Variants in POU2F1 observed in about 807,000 individuals in gnomAD.
The protein encoded by POU2F1 is POU class 2 homeobox 1.
Under a neutral mutation model 84.9 loss-of-function variants are expected in POU2F1, and 16 were observed. The observed-to-expected ratio is 0.19, with a 90% CI of 0.13 to 0.29. POU2F1 has a LOEUF of 0.29. POU2F1 is among the 10% of genes least tolerant of loss of function. The pLI, the probability that POU2F1 is intolerant of heterozygous loss-of-function variation, is 1.00. For synonymous variants in POU2F1, 368 were observed against 368.3 expected (o/e 1.00, Z 0.01); for missense variants, 738 against 942.6 (o/e 0.78, Z 2.84).
At chr1:167,350,415 C>T (rs1658477278) in intron 2 of POU2F1, among the ~76,000 whole-genome samples, 1 of 152,122 alleles carries the variant, frequency 6.6e-6, no homozygotes, top group South Asian at 2.1e-4. Flanking sequence ...TCTATTTTGT[C>T]GTCTGTGTGA....
At chr1:167,244,202 G>A (rs1306977827) in intron 1 of POU2F1, among the ~76,000 whole-genome samples, 1 of 152,232 alleles carries the variant, frequency 6.6e-6, no homozygotes, top group African/African-American at 2.4e-5. Flanking sequence ...AAAGGAAGAA[G>A]GAGAGAATTT....
At chr1:167,407,433 G>A (rs1360803073) in intron 13 of POU2F1, among the ~76,000 whole-genome samples, 1 of 152,172 alleles carries the variant, frequency 6.6e-6, no homozygotes, top group African/African-American at 2.4e-5. Flanking sequence ...AAGGGACCAA[G>A]AATAGCCAAA....
At chr1:167,412,358 T>A in intron 14 of POU2F1, 54 bp downstream of exon 14, 1 of 1,423,570 alleles carries the variant, frequency 7.0e-7, no homozygotes, top group Non-Finnish European at 9.5e-7. Context: ...TCCCTGGAAT[T>A]ACTCACAGGG....
intron 2 of POU2F1, among the ~76,000 whole-genome samples, chr1:167,358,447 A>G (rs1659117038): frequency 6.6e-6 from 1 of 151,828 alleles, no homozygotes; most frequent in Non-Finnish European, 1.5e-5. Flanking sequence ...TGTTCTCTGG[A>G]AACGTTTGTG....
intron 13 of POU2F1, among the ~76,000 whole-genome samples, chr1:167,410,663 C>T (rs549819380): frequency 6.6e-6 from 1 of 151,824 alleles, no homozygotes; most frequent in East Asian, 1.9e-4. Context: ...TTACAGGCGC[C>T]CACCACCATG....
chr1:167,275,904 A>G (rs1238847873), intron 1 of POU2F1, among the ~76,000 whole-genome samples: 1 of 152,210 alleles, frequency 6.6e-6, no homozygotes, highest in Non-Finnish European at 1.5e-5. Flanking sequence ...AAGAAAAAGT[A>G]CTTTAGATGA....
intron 1 of POU2F1, among the ~76,000 whole-genome samples, chr1:167,317,747 A>G (rs897473160): frequency 6.6e-6 from 1 of 152,230 alleles, no homozygotes; most frequent in Non-Finnish European, 1.5e-5. Context: ...CAGCATTGGC[A>G]TCATAGCCAT....
At chr1:167,247,074 A>T (rs1557843393) in intron 1 of POU2F1, among the ~76,000 whole-genome samples, 1 of 141,638 alleles carries the variant, frequency 7.1e-6, no homozygotes, top group Non-Finnish European at 1.6e-5. Context: ...GTGTGATTGA[A>T]TTTTTTTTTT....
chr1:167,245,364 C>A (rs1378880698), intron 1 of POU2F1, among the ~76,000 whole-genome samples: 1 of 151,760 alleles, frequency 6.6e-6, no homozygotes, highest in Admixed American at 6.6e-5. Flanking sequence ...CCAACTCAAC[C>A]TCCCGAGTAG....
Position 167,416,247 on chromosome 1 carries a change from T to A in POU2F1, c.*437T>A, listed in dbSNP as rs954260834. ...TGTTTGTCTAAATTTCTTTTTTTCTTAAAAAAAAAAAATCATTTTTATGGG... is the reference window on the plus strand; with the variant it reads ...TGTTTGTCTAAATTTCTTTTTTTCTAAAAAAAAAAAAATCATTTTTATGGG... On this transcript the variant is annotated 3_prime_UTR_variant, in exon 16 of 16. Transcript: ENST00000367866. The A allele has an allele frequency of 6.1e-5, 16 of 260,700 alleles. No homozygotes were observed. The highest frequency in any genetic ancestry group is 1.2e-4 in the Non-Finnish European group (16 of 134,774). 16.1% of individuals were successfully genotyped at this position (260,700 alleles called of 1,614,324 possible). A position where few individuals can be genotyped will look rare whatever the true frequency, so the allele number is the denominator to read the frequency against.
At chr1:167,238,470 A>C (rs1243172195) in intron 1 of POU2F1, among the ~76,000 whole-genome samples, 4 of 152,126 alleles carry the variant, frequency 2.6e-5, no homozygotes, top group Non-Finnish European at 5.9e-5. Flanking sequence ...GAGGCCTTAT[A>C]AACAGGACCC....
intron 2 of POU2F1, among the ~76,000 whole-genome samples, chr1:167,338,657 A>G (rs538954247): frequency 2.0e-5 from 3 of 152,338 alleles, no homozygotes; most frequent in South Asian, 2.1e-4. Context: ...TTCCCTTTGG[A>G]AAGATGGTAT....
chr1:167,243,060 C>T (rs889983881), intron 1 of POU2F1, among the ~76,000 whole-genome samples: 3 of 152,050 alleles, frequency 2.0e-5, no homozygotes, highest in Non-Finnish European at 4.4e-5. Context: ...ACAGAATCTA[C>T]TGTTCTTCAG....
intron 1 of POU2F1, among the ~76,000 whole-genome samples, chr1:167,318,298 A>G (rs1430608218): frequency 1.3e-5 from 2 of 152,178 alleles, no homozygotes; most frequent in Non-Finnish European, 2.9e-5. Flanking sequence ...TTTTCAGATA[A>G]TAGGAACTCT....
At chr1:167,309,020 A>T (rs578066448) in intron 1 of POU2F1, among the ~76,000 whole-genome samples, 1 of 151,608 alleles carries the variant, frequency 6.6e-6, no homozygotes, top group East Asian at 1.9e-4. Context: ...ATTGTCTAAA[A>T]TTTGGCTAAT....
intron 6 of POU2F1, among the ~76,000 whole-genome samples, chr1:167,374,577 G>A (rs572608335): frequency 4.6e-5 from 7 of 152,212 alleles, no homozygotes; most frequent in African/African-American, 1.7e-4. Context: ...TTTGAAGCAG[G>A]GGATTACTGT....
At chr1:167,366,584 C>A (rs1659696668) in intron 3 of POU2F1, among the ~76,000 whole-genome samples, 3 of 152,106 alleles carry the variant, frequency 2.0e-5, no homozygotes, top group Non-Finnish European at 4.4e-5. Flanking sequence ...AAATGGATAT[C>A]ATGTAGGCAG....
At chr1:167,324,369 A>G (rs1656540706) in intron 1 of POU2F1, among the ~76,000 whole-genome samples, 2 of 149,012 alleles carry the variant, frequency 1.3e-5, no homozygotes, top group African/African-American at 2.6e-5. Context: ...TATTTAGTCT[A>G]TACATATATG....
At chr1:167,380,687 GGAATTTT>G (rs1200901975) in intron 7 of POU2F1, 2 of 152,140 alleles carry the variant, frequency 1.3e-5, no homozygotes, top group Admixed American at 6.5e-5. Context: ...TTTATCTTTT[GGAATTTT>G]AATAATGTTT....
Sources: gnomAD v4.1 joint callset for allele counts (sites outside exome capture counted in the v4.1 genomes callset) on GRCh38, gnomAD v4.1.1 for gene constraint, MANE v1.5 for transcripts, NCBI Gene and HGNC (gene_info 2026-07-23, HGNC 2026-07-21) for gene names.